MAPK8IP1: variants seen among roughly 807,000 people sequenced by gnomAD.
The protein encoded by MAPK8IP1 is C-Jun-amino-terminal kinase-interacting protein 1.
In MAPK8IP1, 17 loss-of-function variants were observed where a neutral mutation model predicts 72.6. The observed-to-expected ratio is 0.23, with a 90% CI of 0.16 to 0.35. The LOEUF is 0.35. Among genes scored for constraint, MAPK8IP1 ranks in the 10% least tolerant of loss-of-function variants. The pLI, the probability that MAPK8IP1 is intolerant of heterozygous loss-of-function variation, is 1.00. For synonymous variants in MAPK8IP1, 401 were observed against 443.4 expected, an observed-to-expected ratio of 0.90 and a Z score of 1.20; for missense variants, 789 against 1,009.7, an observed-to-expected ratio of 0.78 and a Z score of 2.96.
At chr11:45,892,602 C>G (rs1308121907) in intron 1 of MAPK8IP1, among the ~76,000 whole-genome samples, 1 of 152,048 alleles carries the variant, frequency 6.6e-6, no homozygotes, top group African/African-American at 2.4e-5. Flanking sequence ...TCAGAGAAGG[C>G]TTGCAGAGGA....
Position 45,889,727 on chromosome 11 carries a change from G to A in MAPK8IP1, c.101+3806G>A, listed in dbSNP as rs534844368. Among the ~76,000 whole-genome samples the A allele has an allele frequency of 2.0e-5, 3 of 152,202 alleles. No homozygotes were observed. In the South Asian group the frequency reaches 6.2e-4, roughly 32 times the overall value. ...GAGAGGGCGAGTGGCTCCCCCAAGA[G>A]CACACAGCAAATTAGTGGCAAAGCT... On this transcript the variant is annotated intron_variant, in intron 1 of 11. Coordinates refer to ENST00000241014, the MANE Select transcript of MAPK8IP1 (RefSeq NM_005456.4).
At chr11:45,905,362 G>A (rs2086699090) in intron 11 of MAPK8IP1, 113 bp downstream of exon 11, 3 of 1,054,972 alleles carry the variant, frequency 2.8e-6, no homozygotes, top group Non-Finnish European at 4.3e-6. Context: ...CAGCTCTGGA[G>A]AACTATCTCC....
At chr11:45,905,274 C>A (rs1213032492) in intron 11 of MAPK8IP1, 25 bp downstream of exon 11, 4 of 1,600,574 alleles carry the variant, frequency 2.5e-6, no homozygotes, top group East Asian at 2.2e-5. Context: ...TGCTGAGCAC[C>A]CAGCCCGAGG....
chr11:45,904,730 C>A lies in MAPK8IP1; in HGVS notation c.1789C>A (p.Arg597Ser). 6.2e-7 allele frequency: 1 copy of A among 1,613,900 alleles called. No homozygotes were observed. The highest frequency in any genetic ancestry group is 8.5e-7 in the Non-Finnish European group (1 of 1,180,032). The change falls in exon 9 of 12, where the codon CGC becomes AGC. Residue 597 changes from arginine (R) to serine (S), a missense_variant. Arg to Ser is a moderately radical substitution (Grantham distance 110). This residue lies in a region of MAPK8IP1 where 188 missense variants were observed against 293.3 expected (regional missense o/e 0.64). Coordinates refer to ENST00000241014, the MANE Select transcript of MAPK8IP1 (RefSeq NM_005456.4). The surrounding 1 kb of genome is among the most constrained non-coding windows in gnomAD (Gnocchi z 6.4). ...TTGTCACCTGTAGATTGCCACCACC[C>A]GCCGGCTCACCGTGCACTTTAACCC... ...CAAMQKIATT[R>S]RLTVHFNPPS...
At chr11:45,905,507 A>T (rs1377262667) in intron 11 of MAPK8IP1, 142 bp from the exon 12 acceptor site, 1 of 828,092 alleles carries the variant, frequency 1.2e-6, no homozygotes. Flanking sequence ...AATTCTGTAG[A>T]GAACAGAGCC....
In MAPK8IP1 at chr11:45,904,787, C is replaced by G. The variant is rs531150800; in HGVS notation, c.1846C>G (p.Arg616Gly). ...PSSCVLEISV[R>G]GVKIGVKADD... ...CAGCTGTGTCCTGGAGATCAGCGTGCGGGGTGTGAAGATAGGCGTCAAGGC... is the reference window on the plus strand; with the variant it reads ...CAGCTGTGTCCTGGAGATCAGCGTGGGGGGTGTGAAGATAGGCGTCAAGGC... The change falls in exon 9 of 12, where the codon CGG becomes GGG. Residue 616 changes from arginine (R) to glycine (G), a missense_variant. Physicochemically the swap from Arg to Gly is moderately radical, Grantham distance 125 (BLOSUM62 -2). Coordinates refer to ENST00000241014, the MANE Select transcript of MAPK8IP1 (RefSeq NM_005456.4). This position sits in a 1 kb window ranked among gnomAD's most constrained non-coding sequence, Gnocchi z 6.4. 1.9e-6 allele frequency: 3 copies of G among 1,614,042 alleles called. No homozygotes were observed. Among genetic ancestry groups the G allele is most frequent in the Non-Finnish European group, 1.7e-6 (2 of 1,180,030 alleles).
chr11:45,888,963 G>C (rs2086546965), intron 1 of MAPK8IP1, among the ~76,000 whole-genome samples: 1 of 151,968 alleles, frequency 6.6e-6, no homozygotes, highest in Non-Finnish European at 1.5e-5. Context: ...GCCTCCCAAA[G>C]TGCTGGAATT....
At chr11:45,891,274 T>A (rs1380039592) in intron 1 of MAPK8IP1, among the ~76,000 whole-genome samples, 4 of 152,170 alleles carry the variant, frequency 2.6e-5, no homozygotes, top group Non-Finnish European at 5.9e-5. Context: ...TATGATGCCA[T>A]CTTTGTTCCC....
chr11:45,901,101 G>T lies in MAPK8IP1; in HGVS notation c.522+649G>T, dbSNP rs369476371. 2.6e-5 allele frequency among the ~76,000 whole-genome samples: 4 copies of T among 152,130 alleles called. 1 individual carries two copies. The South Asian group carries it at 8.3e-4, about 31-fold the overall frequency. ...TGGCCCTTTGTCTTCCAGGCCCATCGGGAGCGGTGCAGGCAAGGAGCTCCT... is the reference window on the plus strand; with the variant it reads ...TGGCCCTTTGTCTTCCAGGCCCATCTGGAGCGGTGCAGGCAAGGAGCTCCT... On this transcript the variant is annotated intron_variant, in intron 3 of 11. Transcript: ENST00000241014.
intron 2 of MAPK8IP1, 48 bp downstream of exon 2, chr11:45,898,238 A>G (rs1289634041): frequency 7.6e-7 from 1 of 1,313,122 alleles, no homozygotes; most frequent in Non-Finnish European, 1.1e-6. Flanking sequence ...CAGGAAGGCT[A>G]GGGACAGGGG....
Position 45,900,401 on chromosome 11 carries a change from G to A in MAPK8IP1, c.471G>A (p.Arg157=), listed in dbSNP as rs1202789823. ...GCCCGGGCAGCGGGGACACGTACCG[G>A]CCCAAGCGGCCCACCACGCTCAACC... The part of the protein sequence containing the change: ...SQGPGSGDTY[R]PKRPTTLNLF... Residue 157 remains arginine (R), a synonymous_variant, in exon 3 of 12, where the codon CGG becomes CGA. Transcript: ENST00000241014. This position sits in a 1 kb window ranked among gnomAD's most constrained non-coding sequence, Gnocchi z 6.5. 1 of 1,529,960 alleles carries A rather than the reference G, an allele frequency of 6.5e-7. No homozygotes were observed. The highest frequency in any genetic ancestry group is 2.5e-5 in the East Asian group (1 of 40,410). 94.8% of individuals were successfully genotyped at this position (1,529,960 alleles called of 1,614,324 possible).
At chr11:45,896,581 G>A (rs1030851367) in intron 1 of MAPK8IP1, 43 of 1,274,208 alleles carry the variant, frequency 3.4e-5, no homozygotes, top group Admixed American at 1.0e-4. Flanking sequence ...TGAGGGAGGC[G>A]GCCACAGCGG....
intron 3 of MAPK8IP1, among the ~76,000 whole-genome samples, chr11:45,901,190 G>T (rs2086650671): frequency 6.6e-6 from 1 of 152,152 alleles, no homozygotes; most frequent in Non-Finnish European, 1.5e-5. Context: ...CCTGTGAATG[G>T]CTTTTGGCAG....
In MAPK8IP1 at chr11:45,900,875, G is replaced by A. The variant is rs1189520832; in HGVS notation, c.522+423G>A. On this transcript the variant is annotated intron_variant, in intron 3 of 11. Transcript: ENST00000241014. The surrounding 1 kb of genome is among the most constrained non-coding windows in gnomAD (Gnocchi z 6.5). ...GGGCATCTGAAATGGTCATCGTGGG[G>A]GAGGCCGTGGGAGATCGTGGCGAGG... Among the ~76,000 whole-genome samples the A allele has an allele frequency of 6.6e-6, 1 of 152,114 alleles. No individual in the cohort carries two copies. Among genetic ancestry groups the A allele is most frequent in the African/African-American group, 2.4e-5 (1 of 41,406 alleles).
rs2086660508 is a variant in MAPK8IP1, at chr11:45,902,365, T to C, written c.605-7T>C. 3 of 1,556,782 alleles carry C rather than the reference T, an allele frequency of 1.9e-6. No homozygotes were observed. The highest frequency in any genetic ancestry group is 2.6e-6 in the Non-Finnish European group (3 of 1,150,668). On this transcript the variant is annotated splice_region_variant and splice_polypyrimidine_tract_variant and intron_variant, in intron 4 of 11. Transcript: ENST00000241014. The surrounding 1 kb of genome is among the most constrained non-coding windows in gnomAD (Gnocchi z 9.3). ...GCCCCTGCCTTCATGACCTGCCTGC[T>C]CTCCAGGGGAGCAGACACCACCGCA...
At chr11:45,892,575 T>C (rs991738778) in intron 1 of MAPK8IP1, among the ~76,000 whole-genome samples, 2 of 152,054 alleles carry the variant, frequency 1.3e-5, no homozygotes, top group African/African-American at 4.8e-5. Flanking sequence ...CAGGGCGGTT[T>C]GGCTTGGTCC....
chr11:45,903,339 A>G lies in MAPK8IP1; in HGVS notation c.1418-26A>G. 1 of 1,611,820 alleles carries G rather than the reference A, an allele frequency of 6.2e-7. No individual in the cohort carries two copies. Among genetic ancestry groups the G allele is most frequent in the Non-Finnish European group, 8.5e-7 (1 of 1,178,484 alleles). ...ACCTGGATCAGAGCTGCGACCCCCCATCCAGCCACACCACCTCACCTGCAG... is the reference window on the plus strand; with the variant it reads ...ACCTGGATCAGAGCTGCGACCCCCCGTCCAGCCACACCACCTCACCTGCAG... On this transcript the variant is annotated intron_variant, in intron 5 of 11. Transcript: ENST00000241014. This position sits in a 1 kb window ranked among gnomAD's most constrained non-coding sequence, Gnocchi z 6.4.
chr11:45,905,491 G>A lies in MAPK8IP1; in HGVS notation c.2064-158G>A, dbSNP rs143830145. 9.9e-5 allele frequency among the ~76,000 whole-genome samples: 15 copies of A among 152,234 alleles called. No homozygotes were observed. In the South Asian group the frequency reaches 2.1e-3, roughly 21 times the overall value. ...CAACTGACATCTTACTGGGAAACGCGATGGCAATTCTGTAGAGAACAGAGC... is the reference window on the plus strand; with the variant it reads ...CAACTGACATCTTACTGGGAAACGCAATGGCAATTCTGTAGAGAACAGAGC... On this transcript the variant is annotated intron_variant, in intron 11 of 11. Transcript: ENST00000241014.
In MAPK8IP1 at chr11:45,903,945, C is replaced by T. The variant is rs376192530; in HGVS notation, c.1494-44C>T. 2 of 1,597,684 alleles carry T rather than the reference C, an allele frequency of 1.3e-6. No homozygotes were observed. The highest frequency in any genetic ancestry group is 2.2e-5 in the East Asian group (1 of 44,804). ...AGACCCCAGAGTAGGCCTGGCTGGA[C>T]AGGCCTTGGTGCCGAATTTCTCACC... On this transcript the variant is annotated intron_variant, in intron 6 of 11. Coordinates refer to ENST00000241014, the MANE Select transcript of MAPK8IP1 (RefSeq NM_005456.4). The surrounding 1 kb of genome is among the most constrained non-coding windows in gnomAD (Gnocchi z 6.4).
Sources: allele counts gnomAD v4.1 joint callset (sites outside exome capture counted in the v4.1 genomes callset), GRCh38; gene constraint gnomAD v4.1.1; regional missense constraint gnomAD v4.1.1; non-coding constraint Gnocchi (gnomAD v3.1); transcripts MANE v1.5; gene names NCBI Gene and HGNC (gene_info 2026-07-23, HGNC 2026-07-21).